Variants in ZC3H12B observed in about 807,000 individuals in gnomAD.
The protein encoded by ZC3H12B is zinc finger CCCH-type containing 12B, also known as probable ribonuclease ZC3H12B.
In ZC3H12B, 7 loss-of-function variants were observed where a neutral mutation model predicts 43.9. The observed-to-expected ratio is 0.16, with a 90% confidence interval of 0.09 to 0.30. The LOEUF (loss-of-function observed/expected upper bound fraction) is 0.30. ZC3H12B is among the 10% of genes least tolerant of loss of function. ZC3H12B has a pLI of 1.00. For missense variants in ZC3H12B, 475 were observed against 670.2 expected (o/e 0.71, Z 3.22); for synonymous variants, 222 against 241.7 (o/e 0.92, Z 0.76).
At chrX:65,224,902 T>C in the ZC3H12B span, among the ~76,000 whole-genome samples, 2 of 111,835 alleles carry the variant, frequency 1.8e-5, no homozygotes, top group African/African-American at 6.5e-5. Flanking sequence ...CCACCACAGC[T>C]CAAGGAGGCC....
At chrX:65,253,500 A>G in the ZC3H12B span, among the ~76,000 whole-genome samples, 1 of 112,369 alleles carries the variant, frequency 8.9e-6, no homozygotes, top group Admixed American at 9.4e-5. Flanking sequence ...GTGGTGAAGC[A>G]CAGCCAGGGG....
chrX:65,053,984 GT>G, the ZC3H12B span, among the ~76,000 whole-genome samples: 100 of 101,962 alleles, frequency 9.8e-4, no homozygotes, highest in African/African-American at 3.2e-3. Flanking sequence ...ATTTATTTGA[GT>G]TCATTGTAGA....
At chrX:65,390,445 T>C (rs2066597458) in intron 2 of ZC3H12B, among the ~76,000 whole-genome samples, 1 of 111,191 alleles carries the variant, frequency 9.0e-6, no homozygotes, top group African/African-American at 3.3e-5. Context: ...CGAAATCAGA[T>C]TGATTTCAAG....
the ZC3H12B span, among the ~76,000 whole-genome samples, chrX:65,169,809 G>C: frequency 2.7e-5 from 3 of 111,471 alleles, no homozygotes; most frequent in African/African-American, 9.8e-5. Flanking sequence ...TGTCTCTTTT[G>C]ATCTTTGTTG....
the ZC3H12B span, among the ~76,000 whole-genome samples, chrX:65,257,262 A>G: frequency 8.9e-6 from 1 of 112,279 alleles, no homozygotes; most frequent in Non-Finnish European, 1.9e-5. Context: ...ACCATGGAAT[A>G]CTATGCAGCC....
the ZC3H12B span, among the ~76,000 whole-genome samples, chrX:65,319,407 G>A: frequency 9.0e-6 from 1 of 110,639 alleles, no homozygotes; most frequent in African/African-American, 3.3e-5. Flanking sequence ...GACAAATAAC[G>A]AGTTCCAAAT....
chrX:65,227,487 G>A, the ZC3H12B span, among the ~76,000 whole-genome samples: 223 of 110,067 alleles, frequency 2.0e-3, 2 homozygotes, highest in African/African-American at 7.1e-3. Context: ...AAAAGCAAGA[G>A]CAAACACATT....
chrX:65,358,876 C>T, the ZC3H12B span, among the ~76,000 whole-genome samples: 1 of 111,862 alleles, frequency 8.9e-6, no homozygotes, highest in Non-Finnish European at 1.9e-5. Context: ...GAAGCTGCCA[C>T]CTAGGACTTA....
At chrX:65,186,906 T>TAC in the ZC3H12B span, among the ~76,000 whole-genome samples, 466 of 112,357 alleles carry the variant, frequency 4.1e-3, 2 homozygotes, top group African/African-American at 0.013. Flanking sequence ...GGTATATATA[T>TAC]ACCACATTTT....
chrX:65,203,501 C>T, the ZC3H12B span, among the ~76,000 whole-genome samples: 1 of 110,099 alleles, frequency 9.1e-6, no homozygotes, highest in Non-Finnish European at 1.9e-5. Context: ...CCTTTCTGGC[C>T]CAGAGTGGGT....
the ZC3H12B span, chrX:65,272,402 G>A: frequency 9.0e-6 from 1 of 111,249 alleles, no homozygotes; most frequent in African/African-American, 3.3e-5. Context: ...TGAAAAAGAA[G>A]GCATTGAATT....
chrX:65,102,216 G>A, the ZC3H12B span, among the ~76,000 whole-genome samples: 325 of 111,503 alleles, frequency 2.9e-3, no homozygotes, highest in Non-Finnish European at 4.9e-3. Flanking sequence ...CATAAACTAG[G>A]TATTGATGGT....
chrX:65,091,976 A>G, the ZC3H12B span, among the ~76,000 whole-genome samples: 1 of 111,945 alleles, frequency 8.9e-6, no homozygotes, highest in Non-Finnish European at 1.9e-5. Context: ...TGATTAGATC[A>G]TGGGGGTGAA....
chrX:65,444,947 A>T (rs1040482023), intron 3 of ZC3H12B, among the ~76,000 whole-genome samples: 1 of 111,750 alleles, frequency 8.9e-6, no homozygotes, highest in African/African-American at 3.3e-5. Context: ...CTTGTCTTCG[A>T]GCTCACTAAT....
the ZC3H12B span, among the ~76,000 whole-genome samples, chrX:65,042,949 A>C: frequency 9.0e-6 from 1 of 111,215 alleles, no homozygotes; most frequent in Non-Finnish European, 1.9e-5. Context: ...CTACTTCATT[A>C]TTCTCACTTA....
the ZC3H12B span, among the ~76,000 whole-genome samples, chrX:65,152,813 C>T: frequency 1.9e-3 from 210 of 111,724 alleles, 1 homozygote; most frequent in African/African-American, 5.3e-3. Flanking sequence ...GGAGACATCA[C>T]GCTACCTGAC....
chrX:65,298,598 G>T, the ZC3H12B span, among the ~76,000 whole-genome samples: 1 of 110,676 alleles, frequency 9.0e-6, no homozygotes, highest in Non-Finnish European at 1.9e-5. Context: ...TCCTCTTCTG[G>T]GTATATACCC....
the ZC3H12B span, among the ~76,000 whole-genome samples, chrX:65,238,140 G>T: frequency 9.0e-6 from 1 of 111,211 alleles, no homozygotes; most frequent in South Asian, 3.7e-4. Context: ...GTCCCTCCTC[G>T]ATTTTTTGGA....
At chrX:65,284,978 C>G in the ZC3H12B span, among the ~76,000 whole-genome samples, 1 of 111,263 alleles carries the variant, frequency 9.0e-6, no homozygotes, top group East Asian at 2.8e-4. Flanking sequence ...TCTTTCATGA[C>G]TTTTGGGAAA....
Sources: gnomAD v4.1 joint callset for allele counts (sites outside exome capture counted in the v4.1 genomes callset) on GRCh38, gnomAD v4.1.1 for gene constraint, MANE v1.5 for transcripts, NCBI Gene and HGNC (gene_info 2026-07-23, HGNC 2026-07-21) for gene names.